Variants in ISLR2 observed in about 807,000 individuals in gnomAD.
ISLR2 encodes immunoglobulin superfamily containing leucine-rich repeat protein 2.
A neutral mutation model predicts 25.5 loss-of-function variants in ISLR2; 16 were observed. That is an observed-to-expected ratio of 0.63 (90% CI 0.43 to 0.95). The LOEUF is 0.95. Ranked by LOEUF, ISLR2 falls within the 40% of genes least tolerant of loss-of-function variation. ISLR2 has a pLI of 0.00. For missense variants in ISLR2, 883 were observed against 1,030.7 expected, an observed-to-expected ratio of 0.86 and a Z score of 1.96; for synonymous variants, 508 against 486.6, an observed-to-expected ratio of 1.04 and a Z score of -0.58.
At position 74,134,666 on chromosome 15, in the gene ISLR2, G is replaced by A. The variant is rs1403938121; in HGVS notation, c.1912G>A (p.Glu638Lys). The A allele has an allele frequency of 6.2e-7, 1 of 1,614,022 alleles. No individual in the cohort carries two copies. Among genetic ancestry groups the A allele is most frequent in the Non-Finnish European group, 8.5e-7 (1 of 1,180,040 alleles). The stretch of plus-strand genomic sequence containing the variant: ...GCGGCCTCAGGCCCCTGACCCTATG[G>A]AGAAGCGCATCGCCGCAGACTTCGA... ...ILRPQAPDPM[E>K]KRIAADFDPR... The change falls in exon 3 of 3, where the codon GAG becomes AAG. Residue 638 changes from glutamate to lysine, a missense_variant. Coordinates refer to ENST00000453268, the MANE Select transcript of ISLR2 (RefSeq NM_020851.3).
At chr15:74,125,411 T>A (rs8028445), upstream of ISLR2, among the ~76,000 whole-genome samples, 2 of 151,826 alleles carry the variant, frequency 1.3e-5, no homozygotes, top group South Asian at 2.1e-4. Context: ...CCAACTAATT[T>A]AAAAAAAATG....
In ISLR2 at chr15:74,120,097, G is replaced by C. The variant is rs372684880; in HGVS notation, n.229-11110G>C. ...AGGGCATCAGCAAGAAACAGTGCAG[G>C]CTCCAAGCGCTTGCCCCAACCCCAT... On this transcript the variant is annotated intron_variant and non_coding_transcript_variant, in intron 2 of 3. Coordinates refer to the ISLR2 transcript ENST00000561975. 3.9e-5 allele frequency among the ~76,000 whole-genome samples: 6 copies of C among 152,312 alleles called. 1 individual carries two copies. In the East Asian group the frequency reaches 9.6e-4, roughly 24 times the overall value.
chr15:74,135,591 T>C lies in ISLR2; in HGVS notation c.*599T>C. 1 of 156,236 alleles carries C rather than the reference T, an allele frequency of 6.4e-6. No homozygotes were observed. 9.7% of individuals were successfully genotyped at this position (156,236 alleles called of 1,614,324 possible). On this transcript the variant is annotated 3_prime_UTR_variant, in exon 3 of 3. Coordinates refer to ENST00000453268, the MANE Select transcript of ISLR2 (RefSeq NM_020851.3). ...ATCTCGGCTCACTGCATCTTCCGCC[T>C]CCCGGGTTCAAGCGATTCTCCTGCC...
intron 2 of ISLR2, among the ~76,000 whole-genome samples, chr15:74,114,317 C>A (rs1400703876): frequency 2.6e-5 from 4 of 152,118 alleles, no homozygotes; most frequent in Non-Finnish European, 5.9e-5. Flanking sequence ...CGATTAATAT[C>A]ATATTCATTC....
At chr15:74,137,058 A>T (rs1402140166), downstream of ISLR2, among the ~76,000 whole-genome samples, 1 of 152,166 alleles carries the variant, frequency 6.6e-6, no homozygotes, top group Non-Finnish European at 1.5e-5. Flanking sequence ...CAGGAAAGGA[A>T]GGCGGGTGTC....
In ISLR2 at chr15:74,119,973, T is replaced by A. The variant is rs572801080; in HGVS notation, n.229-11234T>A. Reference sequence around the variant, plus strand: ...ACCTCCAGGTCCTTCAGGCCAGCCCTCCCAGGGCTCGGCCTTGGGAATTGG... The same window carrying A: ...ACCTCCAGGTCCTTCAGGCCAGCCCACCCAGGGCTCGGCCTTGGGAATTGG... On this transcript the variant is annotated intron_variant and non_coding_transcript_variant, in intron 2 of 3. Coordinates refer to the ISLR2 transcript ENST00000561975. 3.9e-5 allele frequency among the ~76,000 whole-genome samples: 6 copies of A among 152,234 alleles called. No homozygotes were observed. The East Asian group carries it at 1.2e-3, about 29-fold the overall frequency.
At chr15:74,111,155 A>AG (rs1403981854) in intron 2 of ISLR2, among the ~76,000 whole-genome samples, 1 of 151,782 alleles carries the variant, frequency 6.6e-6, no homozygotes, top group Non-Finnish European at 1.5e-5. Flanking sequence ...AAAAAAAAAA[A>AG]AAAACAGAAA....
Position 74,133,711 on chromosome 15 carries a change from A to G in ISLR2, c.957A>G (p.Pro319=), listed in dbSNP as rs575017308. The stretch of plus-strand genomic sequence containing the variant: ...AGACCCAAGCCCAAACGCCGACTCC[A>G]GCACCCGCTTGGCCGGCGCCCCCAG... The part of the protein sequence containing the change: ...LTQTQAQTPT[P]APAWPAPPAT... Residue 319 remains proline, a synonymous_variant, in exon 3 of 3, where the codon CCA becomes CCG. Coordinates refer to ENST00000453268, the MANE Select transcript of ISLR2 (RefSeq NM_020851.3). The G allele has an allele frequency of 3.2e-5, 51 of 1,608,648 alleles. No individual in the cohort carries two copies. Among genetic ancestry groups the G allele is most frequent in the African/African-American group, 4.0e-5 (3 of 74,962 alleles).
intron 2 of ISLR2, among the ~76,000 whole-genome samples, chr15:74,120,521 C>CA (rs61636299): frequency 0.069 from 3,265 of 47,046 alleles, 129 homozygotes; most frequent in African/African-American, 0.14. Flanking sequence ...GACTCCATCT[C>CA]AAAAAAAAAA....
intron 2 of ISLR2, among the ~76,000 whole-genome samples, chr15:74,105,708 G>C (rs555298615): frequency 6.6e-6 from 1 of 151,820 alleles, no homozygotes; most frequent in Non-Finnish European, 1.5e-5. Context: ...CTGTGGCAGC[G>C]AGCCAAGCAA....
At chr15:74,102,419 G>A (rs1039346037) in intron 1 of ISLR2, among the ~76,000 whole-genome samples, 2 of 140,080 alleles carry the variant, frequency 1.4e-5, no homozygotes, top group Non-Finnish European at 3.1e-5. Context: ...CAGAAATAAA[G>A]TTAAAAGGTG....
intron 2 of ISLR2, among the ~76,000 whole-genome samples, chr15:74,107,735 C>G (rs2141927071): frequency 6.6e-6 from 1 of 152,346 alleles, no homozygotes; most frequent in Admixed American, 6.5e-5. Flanking sequence ...CTTTTCAGAG[C>G]TATCGTCCCC....
chr15:74,129,357 C>T (rs2072354535), upstream of ISLR2: 1 of 254,398 alleles, frequency 3.9e-6, no homozygotes, highest in African/African-American at 2.3e-5. The surrounding 1 kb of genome is among the most constrained non-coding windows in gnomAD (Gnocchi z 4.5). Context: ...TCCCCTAGCT[C>T]ATTAAGATGC....
At chr15:74,102,254 T>C (rs1190710770) in intron 1 of ISLR2, among the ~76,000 whole-genome samples, 1 of 104,936 alleles carries the variant, frequency 9.5e-6, no homozygotes, top group East Asian at 2.6e-4. Flanking sequence ...TTTTATTTCA[T>C]GCTGTCAGTA....
chr15:74,123,160 C>G (rs529760468), upstream of ISLR2, among the ~76,000 whole-genome samples: 1 of 152,300 alleles, frequency 6.6e-6, no homozygotes, highest in Non-Finnish European at 1.5e-5. Context: ...AAGACTCCCT[C>G]TGCCCACAGA....
chr15:74,138,899 G>A (rs547953529), downstream of ISLR2, among the ~76,000 whole-genome samples: 15 of 152,350 alleles, frequency 9.8e-5, no homozygotes, highest in South Asian at 2.9e-3. Flanking sequence ...ATCCAGCCAC[G>A]TGATTGCTTC....
At chr15:74,121,018 C>A (rs1364864910) in intron 2 of ISLR2, among the ~76,000 whole-genome samples, 1 of 151,946 alleles carries the variant, frequency 6.6e-6, no homozygotes, top group African/African-American at 2.4e-5. Context: ...TTCCCTTCCC[C>A]TTCCTCTCTC....
At position 74,117,945 on chromosome 15, in the gene ISLR2, T is replaced by C. The variant is rs117410878; in HGVS notation, n.229-13262T>C. On this transcript the variant is annotated intron_variant and non_coding_transcript_variant, in intron 2 of 3. Coordinates refer to the ISLR2 transcript ENST00000561975. ...GGTCTCATGGCAGCATCTCCTCTTA[T>C]CGATCCCGGCCTACCAAGGATAGTG... Among the ~76,000 whole-genome samples the C allele has an allele frequency of 5.8e-4, 89 of 152,294 alleles. No homozygotes were observed. The East Asian group carries it at 0.015, about 26-fold the overall frequency.
intron 2 of ISLR2, among the ~76,000 whole-genome samples, chr15:74,108,010 T>C (rs1324600716): frequency 6.6e-6 from 1 of 152,012 alleles, no homozygotes; most frequent in Non-Finnish European, 1.5e-5. Context: ...CTCTGTCTGA[T>C]CTCCTGCCCT....
Sources: allele counts gnomAD v4.1 joint callset (sites outside exome capture counted in the v4.1 genomes callset), GRCh38; gene constraint gnomAD v4.1.1; non-coding constraint Gnocchi (gnomAD v3.1); transcripts MANE v1.5; gene names NCBI Gene and HGNC (gene_info 2026-07-23, HGNC 2026-07-21).